The following MRFAP1 variants were observed in gnomAD, a reference collection of about 807,000 sequenced individuals.
MRFAP1 encodes Morf4 family associated protein 1.
Under a neutral mutation model 9.3 loss-of-function variants are expected in MRFAP1, and 1 was observed. The ratio of observed to expected loss-of-function variants is 0.11; its 90% CI spans 0.04 to 0.51. The LOEUF is 0.51. Among genes scored for constraint, MRFAP1 ranks in the 20% least tolerant of loss-of-function variants. The pLI, the probability that MRFAP1 is intolerant of heterozygous loss-of-function variation, is 0.94. For missense variants in MRFAP1, 180 were observed against 178.6 expected (o/e 1.01, Z -0.04); for synonymous variants, 101 against 80.3 (o/e 1.26, Z -1.38).
At position 6,642,290 on chromosome 4, in the gene MRFAP1, C is replaced by CT. The variant is rs1283805411; in HGVS notation, c.*576dup. ...GGATAGTATTGTCTGTATTTGGAGACTTTAATTTCTGTGTGAGACCAAAGG... is the reference window on the plus strand; with the variant it reads ...GGATAGTATTGTCTGTATTTGGAGACTTTTAATTTCTGTGTGAGACCAAAGG... On this transcript the variant is annotated 3_prime_UTR_variant, in exon 2 of 2. Transcript: ENST00000382581. 1 of 152,752 alleles carries CT rather than the reference C, an allele frequency of 6.5e-6. No homozygotes were observed. Among genetic ancestry groups the CT allele is most frequent in the South Asian group, 2.1e-4 (1 of 4,826 alleles). The allele number at this position is 152,752 out of a possible 1,614,324, so 9.5% of individuals were successfully genotyped here.
At chr4:6,641,305 C>G (rs1712815360) in intron 1 of MRFAP1, 47 bp downstream of exon 1, 4 of 1,520,624 alleles carry the variant, frequency 2.6e-6, no homozygotes, top group Non-Finnish European at 2.6e-6. Flanking sequence ...CCAGCTTGGC[C>G]GCTCTTCGAG....
Position 6,640,978 on chromosome 4 carries a change from T to A in MRFAP1, c.116T>A (p.Ile39Asn). 6.2e-7 allele frequency: 1 copy of A among 1,613,942 alleles called. No individual in the cohort carries two copies. The highest frequency in any genetic ancestry group is 8.5e-7 in the Non-Finnish European group (1 of 1,179,972). The change falls in exon 1 of 2, where the codon ATC becomes AAC. Residue 39 changes from isoleucine to asparagine, a missense_variant. Coordinates refer to ENST00000382581, the MANE Select transcript of MRFAP1 (RefSeq NM_033296.3). ...GTCATCAACGAGATGCGCGAGGACA[T>A]CGCGTCGCTGACGCGCGAGCACGGG... ...LPVINEMRED[I>N]ASLTREHGRA... is the part of the protein sequence containing the mutation.
In MRFAP1 at chr4:6,640,979, C is replaced by T. The variant is rs149851964; in HGVS notation, c.117C>T (p.Ile39=). Residue 39 remains isoleucine (I), a synonymous_variant, in exon 1 of 2, where the codon ATC becomes ATT. Transcript: ENST00000382581. ...LPVINEMRED[I]ASLTREHGRA... is the part of the protein sequence containing the mutation. ...TCATCAACGAGATGCGCGAGGACATCGCGTCGCTGACGCGCGAGCACGGGC... is the reference window on the plus strand; with the variant it reads ...TCATCAACGAGATGCGCGAGGACATTGCGTCGCTGACGCGCGAGCACGGGC... The T allele has an allele frequency of 1.9e-6, 3 of 1,614,002 alleles. No individual in the cohort carries two copies. Among genetic ancestry groups the T allele is most frequent in the South Asian group, 1.1e-5 (1 of 91,078 alleles).
At chr4:6,641,344 A>G (rs149289435) in intron 1 of MRFAP1, 86 bp downstream of exon 1, 26,070 of 1,475,210 alleles carry the variant, frequency 0.018, 273 homozygotes, top group Non-Finnish European at 0.02. Context: ...ATGCACCGGA[A>G]TCGGGGGTGG....
rs1241520099 is a variant in MRFAP1 at position 6,642,364 on chromosome 4, C to T, written c.*647C>T. On this transcript the variant is annotated 3_prime_UTR_variant, in exon 2 of 2. Coordinates refer to ENST00000382581, the MANE Select transcript of MRFAP1 (RefSeq NM_033296.3). ...ATTTAAATTTGTTGTGGTACACTAT[C>T]TTATGTAACCTGTCTGGTGAGTTTG... 1 of 152,682 alleles carries T rather than the reference C, an allele frequency of 6.5e-6. No homozygotes were observed. Among genetic ancestry groups the T allele is most frequent in the Non-Finnish European group, 1.5e-5 (1 of 68,042 alleles). The allele number at this position is 152,682 out of a possible 1,614,324, so 9.5% of individuals were successfully genotyped here.
rs1280974069 is a variant in MRFAP1 at position 6,642,380 on chromosome 4, G to A, written c.*663G>A. 2 of 152,658 alleles carry A rather than the reference G, an allele frequency of 1.3e-5. No homozygotes were observed. The highest frequency in any genetic ancestry group is 2.9e-5 in the Non-Finnish European group (2 of 68,044). 9.5% of individuals were successfully genotyped at this position (152,658 alleles called of 1,614,324 possible). ...GTACACTATCTTATGTAACCTGTCT[G>A]GTGAGTTTGTTTGGACAACCTAACT... On this transcript the variant is annotated 3_prime_UTR_variant, in exon 2 of 2. Coordinates refer to ENST00000382581, the MANE Select transcript of MRFAP1 (RefSeq NM_033296.3).
intron 1 of MRFAP1, 28 bp from the exon 2 acceptor site, chr4:6,641,699 CGAT>C (rs1420293729): frequency 1.3e-5 from 2 of 157,336 alleles, no homozygotes; most frequent in Admixed American, 1.3e-4. Flanking sequence ...ATTAACCTCT[CGAT>C]GATGAATTTC....
intron 1 of MRFAP1, 174 bp downstream of exon 1, chr4:6,641,432 C>T: frequency 1.3e-6 from 1 of 786,550 alleles, no homozygotes; most frequent in Non-Finnish European, 1.9e-6. Flanking sequence ...ACGGTGGCGG[C>T]GTGGGATAAT....
Position 6,640,908 on chromosome 4 carries a change from G to A in MRFAP1, c.46G>A (p.Glu16Lys). 1 of 1,613,066 alleles carries A rather than the reference G, an allele frequency of 6.2e-7. No individual in the cohort carries two copies. Among genetic ancestry groups the A allele is most frequent in the Non-Finnish European group, 8.5e-7 (1 of 1,179,068 alleles). Residue 16 changes from glutamate to lysine, a missense_variant, in exon 1 of 2, where the codon GAG becomes AAG. Glu to Lys is a moderately conservative substitution (Grantham distance 56). Coordinates refer to ENST00000382581, the MANE Select transcript of MRFAP1 (RefSeq NM_033296.3). ...CGAGCTGGCGGAACCGGAGGAAGTG[G>A]AGGTGCTGGAGCCCGAGGAGGATTT... is the stretch of plus-strand genomic sequence containing the variant. ...IVELAEPEEV[E>K]VLEPEEDFEQ...
At position 6,642,153 on chromosome 4, in the gene MRFAP1, T is replaced by A. The variant is rs898106231; in HGVS notation, c.*436T>A. 1.3e-5 allele frequency: 2 copies of A among 152,612 alleles called. No homozygotes were observed. Among genetic ancestry groups the A allele is most frequent in the African/African-American group, 4.8e-5 (2 of 41,420 alleles). The allele number at this position is 152,612 out of a possible 1,614,324, so 9.5% of individuals were successfully genotyped here. A position where few individuals can be genotyped will look rare whatever the true frequency, so the allele number is the denominator to read the frequency against. On this transcript the variant is annotated 3_prime_UTR_variant, in exon 2 of 2. Coordinates refer to ENST00000382581, the MANE Select transcript of MRFAP1 (RefSeq NM_033296.3). ...GAGGTGCTGAAGGAGCTGCATTAAT[T>A]CTGGAAGACGACTCCATGCAGCAAC...
At position 6,640,928 on chromosome 4, in the gene MRFAP1, G is replaced by A. The variant is rs754832972; in HGVS notation, c.66G>A (p.Glu22=). 1.4e-5 allele frequency: 22 copies of A among 1,613,884 alleles called. No homozygotes were observed. The highest frequency in any genetic ancestry group is 1.6e-5 in the Non-Finnish European group (19 of 1,179,740). ...AAGTGGAGGTGCTGGAGCCCGAGGAGGATTTCGAGCAGTTTCTGCTCCCGG... is the reference window on the plus strand; with the variant it reads ...AAGTGGAGGTGCTGGAGCCCGAGGAAGATTTCGAGCAGTTTCTGCTCCCGG... The part of the protein sequence containing the change: ...PEEVEVLEPE[E]DFEQFLLPVI... The change falls in exon 1 of 2, where the codon GAG becomes GAA. Residue 22 remains glutamate (E), a synonymous_variant. Transcript: ENST00000382581.
rs1479414594 is a variant in MRFAP1 at position 6,641,779 on chromosome 4, T to C, written c.*62T>C. ...AACTGGTGGAGATTGGCTGACACCC[T>C]GGAGAAGCCGAAACCAGAGAGCCTT... On this transcript the variant is annotated 3_prime_UTR_variant, in exon 2 of 2. Transcript: ENST00000382581. 6.5e-6 allele frequency: 1 copy of C among 153,304 alleles called. No individual in the cohort carries two copies. The highest frequency in any genetic ancestry group is 2.4e-5 in the African/African-American group (1 of 41,480). The allele number at this position is 153,304 out of a possible 1,614,324, so 9.5% of individuals were successfully genotyped here. A position where few individuals can be genotyped will look rare whatever the true frequency, so the allele number is the denominator to read the frequency against.
chr4:6,641,194 C>G lies in MRFAP1; in HGVS notation c.332C>G (p.Ala111Gly), dbSNP rs762995094. Reference protein sequence around the residue: ...EEKAKEIAKMAEMLVELVRRI... With the variant: ...EEKAKEIAKMGEMLVELVRRI... Reference sequence around the variant, plus strand: ...AAGGCCAAGGAGATTGCGAAGATGGCAGAGATGCTGGTGGAGCTGGTCCGG... The same window carrying G: ...AAGGCCAAGGAGATTGCGAAGATGGGAGAGATGCTGGTGGAGCTGGTCCGG... The change falls in exon 1 of 2, where the codon GCA (alanine) becomes GGA (glycine). Residue 111 changes from alanine to glycine, a missense_variant. Transcript: ENST00000382581. 1.9e-6 allele frequency: 3 copies of G among 1,610,736 alleles called. No homozygotes were observed. The highest frequency in any genetic ancestry group is 2.5e-6 in the Non-Finnish European group (3 of 1,177,762).
Position 6,642,287 on chromosome 4 carries a change from A to G in MRFAP1, c.*570A>G, listed in dbSNP as rs1445559338. On this transcript the variant is annotated 3_prime_UTR_variant, in exon 2 of 2. Coordinates refer to ENST00000382581, the MANE Select transcript of MRFAP1 (RefSeq NM_033296.3). The stretch of plus-strand genomic sequence containing the variant: ...AATGGATAGTATTGTCTGTATTTGG[A>G]GACTTTAATTTCTGTGTGAGACCAA... 1 of 152,672 alleles carries G rather than the reference A, an allele frequency of 6.5e-6. No individual in the cohort carries two copies. The highest frequency in any genetic ancestry group is 2.4e-5 in the African/African-American group (1 of 41,454). The allele number at this position is 152,672 out of a possible 1,614,324, so 9.5% of individuals were successfully genotyped here.
rs1577306914 is a variant in MRFAP1 at position 6,640,783 on chromosome 4, C to T, written c.-80C>T. The stretch of plus-strand genomic sequence containing the variant: ...AAAAGTTTTCAGGAATATTCGGGCT[C>T]TCTATTGCTAAGCATAGCGAGTGTC... On this transcript the variant is annotated 5_prime_UTR_variant, in exon 1 of 2. Transcript: ENST00000382581. The T allele has an allele frequency of 6.7e-7, 1 of 1,495,910 alleles. No individual in the cohort carries two copies. The highest frequency in any genetic ancestry group is 9.0e-7 in the Non-Finnish European group (1 of 1,107,976). The allele number at this position is 1,495,910 out of a possible 1,614,324, so 92.7% of individuals were successfully genotyped here.
At chr4:6,641,425 G>A (rs1712822781) in intron 1 of MRFAP1, 167 bp downstream of exon 1, 1 of 842,594 alleles carries the variant, frequency 1.2e-6, no homozygotes, top group Non-Finnish European at 1.7e-6. Flanking sequence ...TTTTTTGACG[G>A]TGGCGGCGTG....
chr4:6,642,133 G>A lies in MRFAP1; in HGVS notation c.*416G>A, dbSNP rs748393520. On this transcript the variant is annotated 3_prime_UTR_variant, in exon 2 of 2. Coordinates refer to ENST00000382581, the MANE Select transcript of MRFAP1 (RefSeq NM_033296.3). ...GTTGGAGTTCTCCAGCTCTGGAGGT[G>A]CTGAAGGAGCTGCATTAATTCTGGA... The A allele has an allele frequency of 1.4e-4, 21 of 152,802 alleles. 1 individual carries two copies. The highest frequency in any genetic ancestry group is 8.5e-4 in the Admixed American group (13 of 15,300). The allele number at this position is 152,802 out of a possible 1,614,324, so 9.5% of individuals were successfully genotyped here.
chr4:6,640,921 C>A lies in MRFAP1; in HGVS notation c.59C>A (p.Pro20His). Residue 20 changes from proline (P) to histidine (H), a missense_variant, in exon 1 of 2, where the codon CCC becomes CAC. Transcript: ENST00000382581. Reference sequence around the variant, plus strand: ...CCGGAGGAAGTGGAGGTGCTGGAGCCCGAGGAGGATTTCGAGCAGTTTCTG... The same window carrying A: ...CCGGAGGAAGTGGAGGTGCTGGAGCACGAGGAGGATTTCGAGCAGTTTCTG... ...AEPEEVEVLE[P>H]EEDFEQFLLP... is the part of the protein sequence containing the mutation. 1 of 1,613,748 alleles carries A rather than the reference C, an allele frequency of 6.2e-7. No homozygotes were observed. The highest frequency in any genetic ancestry group is 1.3e-5 in the African/African-American group (1 of 75,038).
chr4:6,641,545 A>C (rs1577307455), intron 1 of MRFAP1, 185 bp from the exon 2 acceptor site: 2 of 352,094 alleles, frequency 5.7e-6, no homozygotes, highest in Admixed American at 4.5e-5. Flanking sequence ...CCGTCCAGCA[A>C]GCGGGGGTGG....
Sources: gnomAD v4.1 joint callset for allele counts on GRCh38, gnomAD v4.1.1 for gene constraint, MANE v1.5 for transcripts, NCBI Gene and HGNC (gene_info 2026-07-23, HGNC 2026-07-21) for gene names.